The following LPAR1 variants were observed in gnomAD, a reference collection of about 807,000 sequenced individuals.
LPAR1 encodes the protein LPA receptor 1.
Under a neutral mutation model 23.8 loss-of-function variants are expected in LPAR1, and 5 were observed. The ratio of observed to expected loss-of-function variants is 0.21; its 90% CI spans 0.11 to 0.44. The LOEUF is 0.44. Among genes scored for constraint, LPAR1 ranks in the 20% least tolerant of loss-of-function variants. The pLI is 0.99. For missense variants in LPAR1, 311 were observed against 482.8 expected (o/e 0.64, Z 3.33); for synonymous variants, 160 against 164.7 (o/e 0.97, Z 0.22).
intron 5 of LPAR1, among the ~76,000 whole-genome samples, chr9:110,922,218 G>A (rs1016566147): frequency 6.6e-6 from 1 of 152,152 alleles, no homozygotes; most frequent in African/African-American, 2.4e-5. Context: ...AGTGAATTCA[G>A]AGGAATGCTA....
intron 2 of LPAR1, among the ~76,000 whole-genome samples, chr9:110,986,358 A>T (rs760056153): frequency 3.3e-5 from 5 of 152,094 alleles, no homozygotes; most frequent in Admixed American, 1.3e-4. Flanking sequence ...CCAACCACAG[A>T]TGAGTCTTGA....
chr9:111,029,553 G>A (rs2141463654), intron 2 of LPAR1, among the ~76,000 whole-genome samples: 1 of 152,088 alleles, frequency 6.6e-6, no homozygotes, highest in South Asian at 2.1e-4. Context: ...GACCATTGAG[G>A]CTGGCATCCT....
intron 2 of LPAR1, among the ~76,000 whole-genome samples, chr9:110,984,781 A>AG (rs977669502): frequency 2.0e-5 from 3 of 151,310 alleles, no homozygotes; most frequent in African/African-American, 7.3e-5. Context: ...CAAAAAAAAA[A>AG]GAATGCAGTT....
At chr9:110,884,237 G>C (rs2081718709) in intron 5 of LPAR1, among the ~76,000 whole-genome samples, 1 of 152,022 alleles carries the variant, frequency 6.6e-6, no homozygotes, top group Non-Finnish European at 1.5e-5. Flanking sequence ...CTTTGTACGT[G>C]TTTGCTCTCT....
chr9:111,030,244 T>C (rs950099126), intron 2 of LPAR1, among the ~76,000 whole-genome samples: 3 of 152,104 alleles, frequency 2.0e-5, no homozygotes, highest in African/African-American at 7.2e-5. Context: ...AGTCAGAAAG[T>C]AAAGCAAGCA....
At chr9:110,906,279 A>C (rs2091192001) in intron 5 of LPAR1, among the ~76,000 whole-genome samples, 1 of 152,118 alleles carries the variant, frequency 6.6e-6, no homozygotes, top group Admixed American at 6.6e-5. Context: ...GACAATGTTA[A>C]CCCTTCCCAA....
At chr9:111,003,646 G>T (rs2097167849) in intron 2 of LPAR1, among the ~76,000 whole-genome samples, 1 of 152,100 alleles carries the variant, frequency 6.6e-6, no homozygotes, top group African/African-American at 2.4e-5. Context: ...AAAAAGTGGT[G>T]GCTGCAATCA....
intron 2 of LPAR1, among the ~76,000 whole-genome samples, chr9:111,021,305 T>C (rs2097556092): frequency 6.6e-6 from 1 of 152,190 alleles, no homozygotes; most frequent in South Asian, 2.1e-4. Flanking sequence ...CTTGTCATTA[T>C]ACATCAATAA....
chr9:110,883,334 C>G (rs1260071300), intron 5 of LPAR1, among the ~76,000 whole-genome samples: 3 of 152,086 alleles, frequency 2.0e-5, no homozygotes, highest in Non-Finnish European at 4.4e-5. Context: ...CCGTGCCCGG[C>G]CTATATCTTG....
intron 2 of LPAR1, among the ~76,000 whole-genome samples, chr9:111,007,185 C>T (rs1016364548): frequency 1.3e-5 from 2 of 152,086 alleles, no homozygotes; most frequent in Non-Finnish European, 2.9e-5. Context: ...GATGCCAGCA[C>T]CATGCTTCCT....
At chr9:110,936,534 C>T (rs1040512734) in intron 5 of LPAR1, among the ~76,000 whole-genome samples, 4 of 152,110 alleles carry the variant, frequency 2.6e-5, no homozygotes, top group South Asian at 2.1e-4. Flanking sequence ...GTTCCCTCAA[C>T]GTAAAATGAG....
chr9:110,917,202 A>G (rs1398892722), intron 5 of LPAR1, among the ~76,000 whole-genome samples: 1 of 145,312 alleles, frequency 6.9e-6, no homozygotes, highest in Non-Finnish European at 1.5e-5. Flanking sequence ...AAAAAAAATT[A>G]GCCAGGCATG....
chr9:110,983,531 G>A (rs905061273), intron 2 of LPAR1, among the ~76,000 whole-genome samples: 11 of 152,084 alleles, frequency 7.2e-5, no homozygotes, highest in East Asian at 3.9e-4. Flanking sequence ...TAATGGGTAC[G>A]GGGTTTCAGT....
chr9:110,990,267 A>G (rs932942901), intron 2 of LPAR1, among the ~76,000 whole-genome samples: 2 of 152,150 alleles, frequency 1.3e-5, no homozygotes, highest in African/African-American at 4.8e-5. Flanking sequence ...GACATTTTGA[A>G]AAGACTCAAC....
intron 4 of LPAR1, among the ~76,000 whole-genome samples, chr9:110,943,865 C>CAA (rs11361205): frequency 8.2e-5 from 9 of 109,812 alleles, no homozygotes; most frequent in African/African-American, 2.0e-4. Flanking sequence ...AACTCCATCT[C>CAA]AAAAAAAAAA....
At chr9:110,994,393 G>T (rs1283928604) in intron 2 of LPAR1, among the ~76,000 whole-genome samples, 1 of 152,194 alleles carries the variant, frequency 6.6e-6, no homozygotes, top group Non-Finnish European at 1.5e-5. Flanking sequence ...GGATATTGTT[G>T]TGACAATATG....
At chr9:110,931,950 T>C (rs551901724) in intron 5 of LPAR1, among the ~76,000 whole-genome samples, 73 of 152,300 alleles carry the variant, frequency 4.8e-4, no homozygotes, top group Middle Eastern at 3.4e-3. Flanking sequence ...TGAAGTCAGG[T>C]AGCATGATGC....
chr9:110,897,968 T>C (rs1242877926), intron 5 of LPAR1, among the ~76,000 whole-genome samples: 2 of 152,156 alleles, frequency 1.3e-5, no homozygotes, highest in Admixed American at 1.3e-4. Flanking sequence ...GAAGAAAATA[T>C]TTAATAGCAA....
intron 2 of LPAR1, among the ~76,000 whole-genome samples, chr9:110,987,104 C>G (rs2096798318): frequency 1.3e-5 from 2 of 151,936 alleles, no homozygotes; most frequent in South Asian, 4.1e-4. Flanking sequence ...GCATGTAACT[C>G]CACCACTAGG....
Sources: gnomAD v4.1 joint callset for allele counts (sites outside exome capture counted in the v4.1 genomes callset) on GRCh38, gnomAD v4.1.1 for gene constraint, MANE v1.5 for transcripts, NCBI Gene and HGNC (gene_info 2026-07-23, HGNC 2026-07-21) for gene names.